The following EVPL variants were observed in gnomAD, a reference collection of about 807,000 sequenced individuals.
The protein encoded by EVPL is 210 kDa cornified envelope precursor protein.
EVPL carries 94 observed loss-of-function variants against 129.7 expected under a neutral mutation model. That is an observed-to-expected ratio of 0.72 (90% CI 0.61 to 0.86). The LOEUF is 0.86. EVPL is among the 40% of genes least tolerant of loss of function. The probability of loss-of-function intolerance (pLI) is 0.00; values close to 1 mark genes in which losing one functional copy is unlikely to be tolerated. For missense variants in EVPL, 2,625 were observed against 2,721.1 expected (o/e 0.96, Z 0.79); for synonymous variants, 1,172 against 1,191.1 (o/e 0.98, Z 0.33).
intron 10 of EVPL, 68 bp downstream of exon 10, chr17:76,019,460 G>A (rs1250881484): frequency 1.1e-5 from 17 of 1,492,626 alleles, no homozygotes; most frequent in Non-Finnish European, 1.4e-5. Context: ...GAAGGGGTGA[G>A]GCCCAGAAAA....
rs902591705 is a variant in EVPL at position 76,007,405 on chromosome 17, G to A, written c.5800C>T (p.His1934Tyr). The A allele has an allele frequency of 1.2e-6, 2 of 1,603,750 alleles. No individual in the cohort carries two copies. The highest frequency in any genetic ancestry group is 1.3e-5 in the African/African-American group (1 of 74,890). ...GWMPRESVLP[H>Y]LQVQHLTGGL... is the part of the protein sequence containing the mutation. Reference sequence around the variant, plus strand: ...CCGGTCAGGTGCTGCACCTGCAGGTGTGGGAGCACGCTCTCCCGGGGCATC... The same window carrying A: ...CCGGTCAGGTGCTGCACCTGCAGGTATGGGAGCACGCTCTCCCGGGGCATC... Residue 1934 changes from histidine to tyrosine, a missense_variant, in exon 22 of 22, where the codon CAC becomes TAC. Transcript: ENST00000301607. The surrounding 1 kb of genome is among the most constrained non-coding windows in gnomAD (Gnocchi z 8.8).
At position 76,007,878 on chromosome 17, in the gene EVPL, A is replaced by G. The variant is rs2066333738; in HGVS notation, c.5327T>C (p.Phe1776Ser). ...YKDGHLPISE[F>S]ALLVAGETKP... ...GGTCTCCCCAGCTACAAGCAGCGCA[A>G]ACTCGGAGATGGGCAGGTGGCCGTC... The change falls in exon 22 of 22, where the codon TTT (phenylalanine) becomes TCT (serine). Residue 1776 changes from phenylalanine (F) to serine (S), a missense_variant. Phe to Ser is a radical substitution (Grantham distance 155). Coordinates refer to ENST00000301607, the MANE Select transcript of EVPL (RefSeq NM_001988.4). This position sits in a 1 kb window ranked among gnomAD's most constrained non-coding sequence, Gnocchi z 8.8. The G allele has an allele frequency of 9.9e-6, 16 of 1,613,824 alleles. No homozygotes were observed. Among genetic ancestry groups the G allele is most frequent in the Non-Finnish European group, 1.4e-5 (16 of 1,179,922 alleles).
rs750248342 is a variant in EVPL, at chr17:76,007,636, T to C, written c.5569A>G (p.Lys1857Glu). ...GTGGCCGCCTGGGCCTCCAGTAGCT[T>C]CTGCCCAGTGATGGGGTCCAGCATG... The part of the protein sequence containing the change: ...KNMLDPITGQ[K>E]LLEAQAATGG... Residue 1857 changes from lysine to glutamate, a missense_variant, in exon 22 of 22, where the codon AAG (lysine) becomes GAG (glutamate). By Grantham distance (56) the Lys-to-Glu change is moderately conservative. This residue lies in a region of EVPL where 1,453 missense variants were observed against 1,511.8 expected (regional missense o/e 0.96). Transcript: ENST00000301607. This position sits in a 1 kb window ranked among gnomAD's most constrained non-coding sequence, Gnocchi z 8.8. 4 of 1,613,758 alleles carry C rather than the reference T, an allele frequency of 2.5e-6. No individual in the cohort carries two copies. In the African/African-American group the frequency reaches 4.0e-5, roughly 16 times the overall value.
At chr17:76,018,313 C>G in intron 12 of EVPL, 55 bp from the exon 13 acceptor site, 2 of 1,518,846 alleles carry the variant, frequency 1.3e-6, no homozygotes, top group Non-Finnish European at 1.8e-6. Context: ...CTCTCCCTCC[C>G]CAGCCCCAGT....
chr17:76,018,099 C>G, intron 13 of EVPL, 62 bp downstream of exon 13: 3 of 1,546,168 alleles, frequency 1.9e-6, no homozygotes, highest in Non-Finnish European at 2.6e-6. Flanking sequence ...ACAGACCAGT[C>G]GGAAGTCGGA....
At position 76,022,545 on chromosome 17, in the gene EVPL, G is replaced by A. The variant is rs753720212; in HGVS notation, c.481-7C>T. The A allele has an allele frequency of 7.5e-6, 12 of 1,598,278 alleles. No homozygotes were observed. The highest frequency in any genetic ancestry group is 1.6e-4 in the Middle Eastern group (1 of 6,064). ...GGCCTGCGCAGACCTGCTTCTGCAG[G>A]AGAGCCGGCGGCTCAGTCCCCAAAG... On this transcript the variant is annotated splice_polypyrimidine_tract_variant and splice_region_variant and intron_variant, in intron 4 of 21. Coordinates refer to ENST00000301607, the MANE Select transcript of EVPL (RefSeq NM_001988.4). The surrounding 1 kb of genome is among the most constrained non-coding windows in gnomAD (Gnocchi z 5.6).
intron 3 of EVPL, 21 bp from the exon 4 acceptor site, chr17:76,023,439 A>C (rs774054700): frequency 3.1e-6 from 5 of 1,613,346 alleles, no homozygotes; most frequent in Middle Eastern, 3.3e-4. Context: ...GGTGGCCGGC[A>C]GGTCAGGGCT....
At chr17:76,010,613 T>A (rs1262603612) in intron 21 of EVPL, 70 bp from the exon 22 acceptor site, 10 of 1,471,412 alleles carry the variant, frequency 6.8e-6, no homozygotes, top group Non-Finnish European at 9.0e-6. Flanking sequence ...TTTCCTGAGA[T>A]GAAAGACCCC....
chr17:76,010,245 G>A lies in EVPL; in HGVS notation c.2960C>T (p.Ala987Val), dbSNP rs1319292460. ...CACTTCCAGGTCTGCCTGCAGGCCA[G>A]CCCGCCGCTTGCCCTCCTCCTCCAC... ...AQVEEEGKRR[A>V]GLQADLEVAA... Residue 987 changes from alanine (A) to valine (V), a missense_variant, in exon 22 of 22, where the codon GCT becomes GTT. Around this residue, in one of 4 missense-constraint regions of EVPL, gnomAD observed 1,453 missense variants for 1,511.8 expected, o/e 0.96. Transcript: ENST00000301607. 1.9e-6 allele frequency: 3 copies of A among 1,613,740 alleles called. No individual in the cohort carries two copies. The highest frequency in any genetic ancestry group is 2.5e-6 in the Non-Finnish European group (3 of 1,180,032).
chr17:76,025,085 T>C (rs1015263116), intron 1 of EVPL, among the ~76,000 whole-genome samples: 5 of 152,176 alleles, frequency 3.3e-5, no homozygotes, highest in African/African-American at 1.2e-4. Flanking sequence ...TTCATCTTTC[T>C]CCATCAGAAA....
chr17:76,014,744 G>A (rs2066404352), intron 17 of EVPL, among the ~76,000 whole-genome samples, 168 bp from the exon 18 acceptor site: 1 of 152,194 alleles, frequency 6.6e-6, no homozygotes, highest in South Asian at 2.1e-4. Flanking sequence ...AGATGGGACA[G>A]TCTCTACCAG....
Position 76,019,031 on chromosome 17 carries a change from C to T in EVPL, c.1167G>A (p.Glu389=). The part of the protein sequence containing the change: ...EAEEKRLAVT[E]RATGDLQRRS... ...GCCGCTGCAGGTCCCCAGTGGCCCTCTCGGTGACGGCCAGCCGTTTTTCCT... is the reference window on the plus strand; with the variant it reads ...GCCGCTGCAGGTCCCCAGTGGCCCTTTCGGTGACGGCCAGCCGTTTTTCCT... Residue 389 remains glutamate (E), a synonymous_variant, in exon 11 of 22, where the codon GAG becomes GAA. Coordinates refer to ENST00000301607, the MANE Select transcript of EVPL (RefSeq NM_001988.4). The T allele has an allele frequency of 1.3e-6, 2 of 1,575,890 alleles. No homozygotes were observed. The highest frequency in any genetic ancestry group is 1.7e-6 in the Non-Finnish European group (2 of 1,168,382).
chr17:76,009,365 G>C lies in EVPL; in HGVS notation c.3840C>G (p.Leu1280=), dbSNP rs529955965. 6.2e-7 allele frequency: 1 copy of C among 1,613,560 alleles called. No individual in the cohort carries two copies. The highest frequency in any genetic ancestry group is 8.5e-7 in the Non-Finnish European group (1 of 1,179,978). Reference sequence around the variant, plus strand: ...CCTGGGAGCGCCCGTGGCTGTTGACGAGCTCGTTGAGCTGAGCCTTCAGGC... The same window carrying C: ...CCTGGGAGCGCCCGTGGCTGTTGACCAGCTCGTTGAGCTGAGCCTTCAGGC... ...IDRLKAQLNE[L]VNSHGRSQEQ... is the part of the protein sequence containing the mutation. The change falls in exon 22 of 22, where the codon CTC becomes CTG. Residue 1280 remains leucine (L), a synonymous_variant. Transcript: ENST00000301607. This position sits in a 1 kb window ranked among gnomAD's most constrained non-coding sequence, Gnocchi z 5.9.
At chr17:76,015,159 C>T (rs561644832) in intron 16 of EVPL, 50 bp from the exon 17 acceptor site, 12 of 1,557,868 alleles carry the variant, frequency 7.7e-6, no homozygotes, top group African/African-American at 1.3e-5. Context: ...GGGGAGACGC[C>T]GTGTCCACCC....
chr17:76,021,994 C>CT lies in EVPL; in HGVS notation c.679dup (p.Ser227LysfsTer18). On this transcript the variant is annotated frameshift_variant, in exon 7 of 22. Coordinates refer to ENST00000301607, the MANE Select transcript of EVPL (RefSeq NM_001988.4). LOFTEE classifies it high-confidence loss of function. ...GCAGCCCTGGAGGTGCGTGTACAGG[C>CT]TGCCCAGGCTCTGCCCGCGCCACGA... 6.4e-7 allele frequency: 1 copy of CT among 1,566,092 alleles called. No individual in the cohort carries two copies. The highest frequency in any genetic ancestry group is 8.6e-7 in the Non-Finnish European group (1 of 1,163,638).
At position 76,027,239 on chromosome 17, in the gene EVPL, G is replaced by A. The variant is rs1218311326; in HGVS notation, c.-41C>T. ...TGCTGGCTCAGGCTGGGCTTGGCTGGCGAAAGACGGCAGGAGGGCAGGTGG... is the reference window on the plus strand; with the variant it reads ...TGCTGGCTCAGGCTGGGCTTGGCTGACGAAAGACGGCAGGAGGGCAGGTGG... On this transcript the variant is annotated 5_prime_UTR_variant, in exon 1 of 22. Coordinates refer to ENST00000301607, the MANE Select transcript of EVPL (RefSeq NM_001988.4). The A allele has an allele frequency of 1.4e-6, 2 of 1,459,344 alleles. No individual in the cohort carries two copies. Among genetic ancestry groups the A allele is most frequent in the Admixed American group, 3.4e-5 (2 of 58,914 alleles). The allele number at this position is 1,459,344 out of a possible 1,614,324, so 90.4% of individuals were successfully genotyped here.
At position 76,007,736 on chromosome 17, in the gene EVPL, G is replaced by A. The variant is rs779419070; in HGVS notation, c.5469C>T (p.Asp1823=). The A allele has an allele frequency of 6.2e-7, 1 of 1,613,144 alleles. No individual in the cohort carries two copies. Among genetic ancestry groups the A allele is most frequent in the Non-Finnish European group, 8.5e-7 (1 of 1,179,270 alleles). Residue 1823 remains aspartate, a synonymous_variant, in exon 22 of 22, where the codon GAC becomes GAT. Coordinates refer to ENST00000301607, the MANE Select transcript of EVPL (RefSeq NM_001988.4). The surrounding 1 kb of genome is among the most constrained non-coding windows in gnomAD (Gnocchi z 8.8). ...SPSFSLGLGD[D]SFPIAGIYDT... ...CATAGATCCCGGCGATAGGGAAGCT[G>A]TCATCACCGAGCCCGAGAGAGAAGC... is the stretch of plus-strand genomic sequence containing the variant.
In EVPL at chr17:76,008,181, G is replaced by T; in HGVS notation, c.5024C>A (p.Thr1675Asn). The T allele has an allele frequency of 6.2e-7, 1 of 1,614,202 alleles. No individual in the cohort carries two copies. The highest frequency in any genetic ancestry group is 1.6e-4 in the Middle Eastern group (1 of 6,062). The stretch of plus-strand genomic sequence containing the variant: ...GGAAAGGTTGGTCTCTCGCGTCTGG[G>T]TCTCCTGGCTGAGCTCCTCCCGGCT... ...KVSREELSQETQTRETNLSTK... is the reference protein window; with the variant it reads ...KVSREELSQENQTRETNLSTK... The change falls in exon 22 of 22, where the codon ACC (threonine) becomes AAC (asparagine). Residue 1675 changes from threonine to asparagine, a missense_variant. Physicochemically the swap from Thr to Asn is moderately conservative, Grantham distance 65. Transcript: ENST00000301607. This position sits in a 1 kb window ranked among gnomAD's most constrained non-coding sequence, Gnocchi z 7.4.
rs767209994 is a variant in EVPL at position 76,007,178 on chromosome 17, C to A, written c.6027G>T (p.Leu2009=). 1 of 1,518,144 alleles carries A rather than the reference C, an allele frequency of 6.6e-7. No homozygotes were observed. The highest frequency in any genetic ancestry group is 1.3e-5 in the South Asian group (1 of 77,094). 94.0% of individuals were successfully genotyped at this position (1,518,144 alleles called of 1,614,324 possible). The stretch of plus-strand genomic sequence containing the variant: ...ACCCCTCCAGTGCCGCTGGCAGGAG[C>A]AGCAGGCCGCTCAGGGGGTCTTTGC... ...RCRKDPLSGL[L]LLPAALEGYR... Residue 2009 remains leucine, a synonymous_variant, in exon 22 of 22, where the codon CTG becomes CTT. Transcript: ENST00000301607. The surrounding 1 kb of genome is among the most constrained non-coding windows in gnomAD (Gnocchi z 8.8).
Sources: gnomAD v4.1 joint callset for allele counts (sites outside exome capture counted in the v4.1 genomes callset) on GRCh38, gnomAD v4.1.1 for gene constraint, gnomAD v4.1.1 regional missense constraint, Gnocchi (gnomAD v3.1) non-coding constraint, MANE v1.5 for transcripts, NCBI Gene and HGNC (gene_info 2026-07-23, HGNC 2026-07-21) for gene names.